Variants in WDFY3 observed in about 807,000 individuals in gnomAD.
The protein encoded by WDFY3 is WD repeat and FYVE domain-containing protein 3.
Under a neutral mutation model 409.6 loss-of-function variants are expected in WDFY3, and 66 were observed. The observed-to-expected ratio is 0.16, with a 90% CI of 0.13 to 0.20. The LOEUF is 0.20. WDFY3 is among the 10% of genes least tolerant of loss of function. WDFY3 has a pLI of 1.00. For synonymous variants in WDFY3, 1,521 were observed against 1,537.1 expected, an observed-to-expected ratio of 0.99 and a Z score of 0.25; for missense variants, 3,031 against 4,298.1, an observed-to-expected ratio of 0.71 and a Z score of 8.24.
chr4:84,733,668 C>T, intron 43 of WDFY3, 59 bp from the exon 44 acceptor site: 2 of 1,443,616 alleles, frequency 1.4e-6, no homozygotes, highest in East Asian at 2.3e-5. Context: ...AGTAACAAGT[C>T]TACAAGTCAC....
chr4:84,775,303 G>A lies in WDFY3; in HGVS notation c.4519-165C>T, dbSNP rs946511864. Among the ~76,000 whole-genome samples the A allele has an allele frequency of 5.9e-5, 9 of 151,662 alleles. No individual in the cohort carries two copies. The South Asian group carries it at 8.3e-4, about 14-fold the overall frequency. On this transcript the variant is annotated intron_variant, in intron 27 of 67. Transcript: ENST00000295888. ...TGCAGAAAAAAAATCATTATAAATT[G>A]GCCAAAAAAATGACCAAAATGATGG...
intron 27 of WDFY3, among the ~76,000 whole-genome samples, chr4:84,777,031 T>C (rs780714498): frequency 5.9e-5 from 9 of 152,098 alleles, no homozygotes; most frequent in Non-Finnish European, 8.8e-5. Context: ...AAGTAGAACC[T>C]ATATGACAAT....
At chr4:84,941,512 A>G (rs1772121683) in intron 1 of WDFY3, among the ~76,000 whole-genome samples, 1 of 152,054 alleles carries the variant, frequency 6.6e-6, no homozygotes, top group African/African-American at 2.4e-5. Flanking sequence ...ATTGATAACA[A>G]TGATGAAATA....
At chr4:84,906,666 T>C (rs1370501460) in intron 2 of WDFY3, among the ~76,000 whole-genome samples, 1 of 152,180 alleles carries the variant, frequency 6.6e-6, no homozygotes, top group Non-Finnish European at 1.5e-5. Context: ...ATACTTTAAA[T>C]CATGCTTGTA....
chr4:84,849,332 T>C (rs1283796331), intron 5 of WDFY3, among the ~76,000 whole-genome samples: 1 of 151,834 alleles, frequency 6.6e-6, no homozygotes. Flanking sequence ...AGAAAAACAG[T>C]AGTTCAGAAC....
At chr4:84,747,967 T>C (rs1037188087) in intron 36 of WDFY3, among the ~76,000 whole-genome samples, 7 of 152,074 alleles carry the variant, frequency 4.6e-5, no homozygotes, top group Non-Finnish European at 7.4e-5. Context: ...CTCGGGTATG[T>C]CTTTATTAGT....
At chr4:84,705,986 G>C (rs923104833) in intron 53 of WDFY3, among the ~76,000 whole-genome samples, 1 of 151,636 alleles carries the variant, frequency 6.6e-6, no homozygotes, top group Non-Finnish European at 1.5e-5. Flanking sequence ...CTTCTCAGAG[G>C]TGATCTGGAA....
chr4:84,912,461 A>G (rs1767919288), intron 2 of WDFY3, among the ~76,000 whole-genome samples: 1 of 152,252 alleles, frequency 6.6e-6, no homozygotes, highest in Non-Finnish European at 1.5e-5. Flanking sequence ...GCTATAAGAA[A>G]GGCATATCCA....
At chr4:84,850,930 T>G (rs867590562) in intron 4 of WDFY3, among the ~76,000 whole-genome samples, 11 of 36,250 alleles carry the variant, frequency 3.0e-4, no homozygotes, top group African/African-American at 1.0e-3. Context: ...ATTTATCTGT[T>G]TTTTTTTTTT....
At chr4:84,953,693 T>C (rs1298941570) in intron 1 of WDFY3, among the ~76,000 whole-genome samples, 1 of 152,158 alleles carries the variant, frequency 6.6e-6, no homozygotes, top group Non-Finnish European at 1.5e-5. Flanking sequence ...GTATCTTACA[T>C]TATCCCTAAT....
intron 67 of WDFY3, among the ~76,000 whole-genome samples, chr4:84,673,273 G>C (rs1725722751): frequency 6.6e-6 from 1 of 152,150 alleles, no homozygotes; most frequent in South Asian, 2.1e-4. Context: ...ATGAGGCCAA[G>C]GTGTCTGAAC....
intron 67 of WDFY3, among the ~76,000 whole-genome samples, chr4:84,674,858 A>T (rs1725995507): frequency 6.6e-6 from 1 of 151,458 alleles, no homozygotes; most frequent in South Asian, 2.1e-4. Flanking sequence ...ACAGAGTGAG[A>T]CTCCGTCTCA....
intron 6 of WDFY3, 113 bp from the exon 7 acceptor site, chr4:84,837,203 T>C: frequency 1.1e-6 from 1 of 893,908 alleles, no homozygotes; most frequent in Non-Finnish European, 1.5e-6. Context: ...CTTTTTAAAA[T>C]GCATGTAAGA....
intron 44 of WDFY3, among the ~76,000 whole-genome samples, chr4:84,729,152 T>C (rs1463301034): frequency 3.9e-5 from 6 of 152,082 alleles, no homozygotes; most frequent in Admixed American, 1.3e-4. Flanking sequence ...TTGCAAATAA[T>C]AGTAAATGTG....
chr4:84,861,215 TAAATA>T (rs1386289830), intron 3 of WDFY3, among the ~76,000 whole-genome samples: 1 of 151,820 alleles, frequency 6.6e-6, no homozygotes. Flanking sequence ...TTTAAATAAA[TAAATA>T]AAATAAAAAC....
intron 1 of WDFY3, among the ~76,000 whole-genome samples, chr4:84,949,959 T>C (rs1385809155): frequency 6.6e-6 from 1 of 152,212 alleles, no homozygotes; most frequent in Non-Finnish European, 1.5e-5. Flanking sequence ...GTATGTTTAT[T>C]GCAGCACTAT....
chr4:84,680,563 TAA>T (rs1727184224), intron 64 of WDFY3, among the ~76,000 whole-genome samples: 2 of 152,238 alleles, frequency 1.3e-5, no homozygotes, highest in Non-Finnish European at 2.9e-5. Flanking sequence ...TCTCTTGCAA[TAA>T]AGTCTACTGG....
intron 31 of WDFY3, 106 bp downstream of exon 31, chr4:84,766,146 G>T: frequency 2.0e-6 from 3 of 1,483,642 alleles, no homozygotes; most frequent in Non-Finnish European, 2.7e-6. Flanking sequence ...TAAATTTCAG[G>T]GTTAAAAAAA....
intron 42 of WDFY3, 24 bp downstream of exon 42, chr4:84,736,146 T>A: frequency 1.9e-6 from 3 of 1,597,686 alleles, no homozygotes; most frequent in African/African-American, 1.4e-5. Context: ...ACAACTAATA[T>A]CAGCAATGAA....
Sources: allele counts gnomAD v4.1 joint callset (sites outside exome capture counted in the v4.1 genomes callset), GRCh38; gene constraint gnomAD v4.1.1; transcripts MANE v1.5; gene names NCBI Gene and HGNC (gene_info 2026-07-23, HGNC 2026-07-21).